SMYD4: variants seen among roughly 807,000 people sequenced by gnomAD.
The protein encoded by SMYD4 is SET and MYND domain containing 4, also known as protein-lysine N-methyltransferase SMYD4.
A neutral mutation model predicts 72.8 loss-of-function variants in SMYD4; 68 were observed. The observed-to-expected ratio is 0.93, with a 90% CI of 0.77 to 1.14. The LOEUF (loss-of-function observed/expected upper bound fraction) is 1.14. SMYD4 is among the 50% of genes most tolerant of loss of function. The pLI is 0.00. For missense variants in SMYD4, 984 were observed against 1,003.7 expected (o/e 0.98, Z 0.27); for synonymous variants, 407 against 388.6 (o/e 1.05, Z -0.56).
intron 2 of SMYD4, among the ~76,000 whole-genome samples, chr17:1,816,944 A>G (rs113604101): frequency 1.6e-3 from 238 of 151,210 alleles, no homozygotes; most frequent in African/African-American, 5.2e-3. Flanking sequence ...TTCTTTATAT[A>G]TTTCGGATAT....
At chr17:1,824,915 G>A (rs568460780) in intron 2 of SMYD4, among the ~76,000 whole-genome samples, 10 of 152,152 alleles carry the variant, frequency 6.6e-5, no homozygotes, top group South Asian at 4.2e-4. Context: ...GTGAGCCACC[G>A]CGCCCGGTGA....
At chr17:1,795,747 G>GTTTTTTTTTTTTTTTTTTTTTTT (rs368038317) in intron 5 of SMYD4, among the ~76,000 whole-genome samples, 1 of 128,466 alleles carries the variant, frequency 7.8e-6, no homozygotes, top group Non-Finnish European at 1.6e-5. Context: ...TGGCCCGTGA[G>GTTTTTTTTTTTTTTTTTTTTTTT]TTTTTTTTTT....
intron 2 of SMYD4, among the ~76,000 whole-genome samples, 159 bp from the exon 3 acceptor site, chr17:1,812,274 A>C (rs116243245): frequency 0.011 from 1,706 of 152,300 alleles, 36 homozygotes; most frequent in African/African-American, 0.038. Context: ...GAAATCTCAT[A>C]GTCTCAGAGA....
intron 2 of SMYD4, among the ~76,000 whole-genome samples, chr17:1,812,944 AT>A (rs1555579762): frequency 4.7e-5 from 7 of 148,106 alleles, no homozygotes; most frequent in South Asian, 2.1e-4. Context: ...ATCATAAAAG[AT>A]TTTTTTTTTT....
At chr17:1,824,845 G>T (rs1313473144) in intron 2 of SMYD4, among the ~76,000 whole-genome samples, 1 of 151,914 alleles carries the variant, frequency 6.6e-6, no homozygotes, top group Admixed American at 6.6e-5. Flanking sequence ...GGCTGGTCCT[G>T]AACTCCTGAC....
At chr17:1,802,321 G>C (rs538248310) in intron 4 of SMYD4, among the ~76,000 whole-genome samples, 4 of 151,988 alleles carry the variant, frequency 2.6e-5, no homozygotes, top group Admixed American at 6.6e-5. Flanking sequence ...ATGAGACCCT[G>C]GGCTCTATAA....
At chr17:1,813,043 A>G (rs912819543) in intron 2 of SMYD4, among the ~76,000 whole-genome samples, 14 of 151,376 alleles carry the variant, frequency 9.2e-5, no homozygotes, top group Admixed American at 7.2e-4. Flanking sequence ...GGTTCAAGTG[A>G]TTCTCCTGCC....
At chr17:1,804,303 T>C (rs1909924154) in intron 4 of SMYD4, 1 of 246,344 alleles carries the variant, frequency 4.1e-6, no homozygotes, top group Non-Finnish European at 8.2e-6. Context: ...CCTGAGTAGC[T>C]GGGACTACAG....
intron 3 of SMYD4, among the ~76,000 whole-genome samples, chr17:1,805,117 C>T (rs1397754885): frequency 5.9e-5 from 9 of 151,876 alleles, no homozygotes; most frequent in Admixed American, 1.3e-4. Context: ...TGAAAATGAA[C>T]GCAAAAAAGG....
intron 4 of SMYD4, among the ~76,000 whole-genome samples, chr17:1,801,524 G>C (rs982399226): frequency 6.7e-6 from 1 of 149,608 alleles, no homozygotes; most frequent in Non-Finnish European, 1.5e-5. Flanking sequence ...ACAGGCATGA[G>C]CCACTGCGCC....
At chr17:1,815,593 G>A (rs1910549373) in intron 2 of SMYD4, among the ~76,000 whole-genome samples, 1 of 150,190 alleles carries the variant, frequency 6.7e-6, no homozygotes, top group South Asian at 2.1e-4. Flanking sequence ...AGAAGGTCAG[G>A]GCTACAGTGA....
At chr17:1,826,024 TA>T (rs1911150642) in intron 2 of SMYD4, among the ~76,000 whole-genome samples, 1 of 151,924 alleles carries the variant, frequency 6.6e-6, no homozygotes, top group South Asian at 2.1e-4. Context: ...ACATTGTAAA[TA>T]GGGTAAAAAA....
intron 1 of SMYD4, among the ~76,000 whole-genome samples, chr17:1,828,459 ATT>A (rs935315682): frequency 1.3e-5 from 2 of 151,886 alleles, no homozygotes; most frequent in Non-Finnish European, 2.9e-5. Context: ...AAGGATCTAT[ATT>A]TTCTCACAGC....
chr17:1,785,992 C>T lies in SMYD4; in HGVS notation c.1884+818G>A, dbSNP rs1908670427. Among the ~76,000 whole-genome samples, 8 of 152,320 alleles carry T rather than the reference C, an allele frequency of 5.3e-5. No individual in the cohort carries two copies. The South Asian group carries it at 1.7e-3, about 32-fold the overall frequency. On this transcript the variant is annotated intron_variant, in intron 7 of 10. Transcript: ENST00000305513. The stretch of plus-strand genomic sequence containing the variant: ...CTATTTTCTCATTTGGCAACAGCAA[C>T]CCAACCCAGTTTCTCATAAGGATCC...
At position 1,826,168 on chromosome 17, in the gene SMYD4, A is replaced by G. The variant is rs1463277139; in HGVS notation, c.134+1693T>C. Among the ~76,000 whole-genome samples the G allele has an allele frequency of 2.6e-5, 4 of 152,126 alleles. No homozygotes were observed. In the East Asian group the frequency reaches 7.7e-4, roughly 29 times the overall value. On this transcript the variant is annotated intron_variant, in intron 2 of 10. Transcript: ENST00000305513. ...CAACCTGCTAGAAAATGGGCAAGGG[A>G]CACAAATAGGCAATACACACGAGAA...
At chr17:1,807,760 G>C (rs1910119478) in intron 3 of SMYD4, among the ~76,000 whole-genome samples, 1 of 152,186 alleles carries the variant, frequency 6.6e-6, no homozygotes, top group Non-Finnish European at 1.5e-5. Context: ...GAATGTTACT[G>C]ATGTAAAAAC....
At chr17:1,827,054 G>A (rs186214439) in intron 2 of SMYD4, among the ~76,000 whole-genome samples, 21 of 152,264 alleles carry the variant, frequency 1.4e-4, no homozygotes, top group African/African-American at 5.1e-4. Context: ...TTGGGACGCT[G>A]AGGCATGAGA....
intron 3 of SMYD4, among the ~76,000 whole-genome samples, chr17:1,811,128 C>T (rs1910308887): frequency 6.6e-6 from 1 of 152,238 alleles, no homozygotes; most frequent in Admixed American, 6.5e-5. Context: ...CACCCTGTAA[C>T]ACACGCCCAC....
At chr17:1,824,851 C>T (rs1230149668) in intron 2 of SMYD4, among the ~76,000 whole-genome samples, 2 of 152,056 alleles carry the variant, frequency 1.3e-5, no homozygotes, top group African/African-American at 4.8e-5. Context: ...TCCTGAACTC[C>T]TGACTTCAAG....
Sources: allele counts gnomAD v4.1 joint callset (sites outside exome capture counted in the v4.1 genomes callset), GRCh38; gene constraint gnomAD v4.1.1; transcripts MANE v1.5; gene names NCBI Gene and HGNC (gene_info 2026-07-23, HGNC 2026-07-21).